Variants in ACER3 observed in about 807,000 individuals in gnomAD.
ACER3 encodes the protein alkCDase 3.
In ACER3, 16 loss-of-function variants were observed where a neutral mutation model predicts 48.9. That is an observed-to-expected ratio of 0.33 (90% CI 0.22 to 0.50). The LOEUF (loss-of-function observed/expected upper bound fraction) is 0.50, where lower values mean the gene tolerates loss of function less well. ACER3 is among the 20% of genes least tolerant of loss of function. The pLI, the probability that ACER3 is intolerant of heterozygous loss-of-function variation, is 0.98. For missense variants in ACER3, 227 were observed against 326.0 expected, an observed-to-expected ratio of 0.70 and a Z score of 2.34; for synonymous variants, 109 against 107.8, an observed-to-expected ratio of 1.01 and a Z score of -0.07.
At chr11:76,897,321 A>G (rs973623436) in intron 1 of ACER3, among the ~76,000 whole-genome samples, 8 of 152,212 alleles carry the variant, frequency 5.3e-5, no homozygotes, top group Non-Finnish European at 1.2e-4. Flanking sequence ...ACGTATACCA[A>G]AACTTGACAA....
At position 76,935,467 on chromosome 11, in the gene ACER3, G is replaced by T. The variant is rs904856586; in HGVS notation, c.214+8800G>T. On this transcript the variant is annotated intron_variant, in intron 2 of 10. Coordinates refer to ENST00000532485, the MANE Select transcript of ACER3 (RefSeq NM_018367.7). The stretch of plus-strand genomic sequence containing the variant: ...AGTAAAACTATTGGATTGTAAAAAT[G>T]AAATTATTGTCAAAGCTCTTGGAAA... Among the ~76,000 whole-genome samples, 5 of 152,154 alleles carry T rather than the reference G, an allele frequency of 3.3e-5. No homozygotes were observed. In the South Asian group the frequency reaches 1.0e-3, roughly 32 times the overall value.
At chr11:76,902,637 A>T (rs976488988) in intron 1 of ACER3, among the ~76,000 whole-genome samples, 1 of 152,188 alleles carries the variant, frequency 6.6e-6, no homozygotes, top group African/African-American at 2.4e-5. Flanking sequence ...ATCACTAGTG[A>T]CACTTCATAT....
In ACER3 at chr11:76,965,989, C is replaced by T. The variant is rs937929397; in HGVS notation, c.267+6958C>T. ...ACCTTAAATGTAAATGGGCTAAATG[C>T]TCCAATTAAAAGACACAGGCTGGCA... On this transcript the variant is annotated intron_variant, in intron 3 of 10. Coordinates refer to ENST00000532485, the MANE Select transcript of ACER3 (RefSeq NM_018367.7). Among the ~76,000 whole-genome samples the T allele has an allele frequency of 3.5e-3, 530 of 151,334 alleles. 5 individuals are homozygous for T. The highest frequency in any genetic ancestry group is 6.0e-3 in the Non-Finnish European group (410 of 68,030).
At chr11:76,901,270 TAA>T (rs35531620) in intron 1 of ACER3, among the ~76,000 whole-genome samples, 11 of 146,146 alleles carry the variant, frequency 7.5e-5, no homozygotes, top group African/African-American at 2.8e-4. Flanking sequence ...GTCCAACATT[TAA>T]AAAAAAAAAA....
At chr11:77,009,352 C>T (rs1565226321) in intron 7 of ACER3, among the ~76,000 whole-genome samples, 1 of 152,178 alleles carries the variant, frequency 6.6e-6, no homozygotes, top group Non-Finnish European at 1.5e-5. Flanking sequence ...AACTCACTCA[C>T]TACCGCAAGG....
In ACER3 at chr11:77,020,341, CA is replaced by C. The variant is rs1376229709; in HGVS notation, c.*16del. ...AGGAAGCATTGATGAATCATTCCAC[CA>C]AGAAAACAAACAAGCACCTACCATA... On this transcript the variant is annotated 3_prime_UTR_variant, in exon 11 of 11. Transcript: ENST00000532485. The C allele has an allele frequency of 8.7e-6, 14 of 1,612,390 alleles. No individual in the cohort carries two copies. In the African/African-American group the frequency reaches 1.9e-4, roughly 22 times the overall value.
At chr11:76,897,624 T>C (rs902986552) in intron 1 of ACER3, among the ~76,000 whole-genome samples, 2 of 152,244 alleles carry the variant, frequency 1.3e-5, no homozygotes, top group African/African-American at 4.8e-5. Flanking sequence ...GTCAAGCTTA[T>C]TGTGGTAGAT....
rs1946324973 is a variant in ACER3, at chr11:76,909,865, C to T, written c.104-16692C>T. On this transcript the variant is annotated intron_variant, in intron 1 of 10. Transcript: ENST00000532485. ...ATTCACAATAGCAAAGACTTGGAACCAACCCAGATGCCCATCAATGATAGA... is the reference window on the plus strand; with the variant it reads ...ATTCACAATAGCAAAGACTTGGAACTAACCCAGATGCCCATCAATGATAGA... Among the ~76,000 whole-genome samples the T allele has an allele frequency of 2.0e-5, 3 of 152,140 alleles. No individual in the cohort carries two copies. In the South Asian group the frequency reaches 6.2e-4, roughly 32 times the overall value.
intron 3 of ACER3, among the ~76,000 whole-genome samples, chr11:76,969,339 T>C (rs908377235): frequency 0.026 from 3,975 of 152,256 alleles, 162 homozygotes; most frequent in African/African-American, 0.091. Context: ...ACTTTTACAC[T>C]GTTGGTGGGA....
intron 1 of ACER3, among the ~76,000 whole-genome samples, chr11:76,918,587 A>G (rs1170007164): frequency 6.6e-6 from 1 of 151,956 alleles, no homozygotes; most frequent in African/African-American, 2.4e-5. Context: ...GTACATGTGC[A>G]AGTTCACTAT....
At chr11:76,873,442 C>G (rs532430124) in intron 1 of ACER3, among the ~76,000 whole-genome samples, 1 of 152,170 alleles carries the variant, frequency 6.6e-6, no homozygotes, top group Non-Finnish European at 1.5e-5. Context: ...GTTGATTACC[C>G]TGCACAGTAA....
intron 1 of ACER3, chr11:76,868,375 A>G: frequency 2.1e-6 from 1 of 474,928 alleles, no homozygotes; most frequent in South Asian, 2.3e-5. Flanking sequence ...TAGTTTTAAT[A>G]TCTCTCTCTC....
At chr11:77,008,666 T>G (rs1479284847) in intron 7 of ACER3, among the ~76,000 whole-genome samples, 1 of 152,250 alleles carries the variant, frequency 6.6e-6, no homozygotes, top group East Asian at 1.9e-4. Flanking sequence ...TTTTGTCTGA[T>G]GAAACATCTG....
intron 7 of ACER3, among the ~76,000 whole-genome samples, chr11:77,000,854 C>T (rs59877692): frequency 6.6e-6 from 1 of 152,264 alleles, no homozygotes; most frequent in East Asian, 1.9e-4. Context: ...ATTCCTCCCA[C>T]TTCATTCTTT....
At chr11:76,897,677 T>C (rs532922215) in intron 1 of ACER3, among the ~76,000 whole-genome samples, 2 of 152,210 alleles carry the variant, frequency 1.3e-5, no homozygotes, top group South Asian at 4.1e-4. Flanking sequence ...ATTTTATTGC[T>C]GGCAAAAAAG....
At chr11:76,973,070 T>C (rs1312678506) in intron 3 of ACER3, among the ~76,000 whole-genome samples, 2 of 152,184 alleles carry the variant, frequency 1.3e-5, no homozygotes, top group African/African-American at 4.8e-5. Flanking sequence ...TAGGCACTGT[T>C]CTTGGAGCCC....
rs374692996 is a variant in ACER3 at position 76,958,311 on chromosome 11, C to T, written c.215-668C>T. Among the ~76,000 whole-genome samples, 148 of 151,576 alleles carry T rather than the reference C, an allele frequency of 9.8e-4. 1 individual carries two copies. The East Asian group carries it at 0.024, about 24-fold the overall frequency. On this transcript the variant is annotated intron_variant, in intron 2 of 10. Coordinates refer to ENST00000532485, the MANE Select transcript of ACER3 (RefSeq NM_018367.7). ...AAACGATTCTCTTGCCTCAGCCTCC[C>T]GAGTAGCTGGTATTACGGGGGCCTG...
chr11:76,930,413 C>T (rs1346668585), intron 2 of ACER3, among the ~76,000 whole-genome samples: 1 of 152,128 alleles, frequency 6.6e-6, no homozygotes, highest in Non-Finnish European at 1.5e-5. Flanking sequence ...TTTCAAAAAA[C>T]CAGCTCCTGG....
At position 77,026,485 on chromosome 11, in the gene ACER3, T is replaced by C. The variant is rs575443434; in HGVS notation, c.*6158T>C. ...GTAATATTTCTGAGTCACTTATTAA[T>C]GTGACCAACAGATAAACTGTTCAAG... On this transcript the variant is annotated 3_prime_UTR_variant, in exon 11 of 11. Transcript: ENST00000532485. The C allele has an allele frequency of 3.3e-5, 5 of 152,356 alleles. No homozygotes were observed. The East Asian group carries it at 9.6e-4, about 29-fold the overall frequency. 9.4% of individuals were successfully genotyped at this position (152,356 alleles called of 1,614,324 possible).
Sources: allele counts gnomAD v4.1 joint callset (sites outside exome capture counted in the v4.1 genomes callset), GRCh38; gene constraint gnomAD v4.1.1; transcripts MANE v1.5; gene names NCBI Gene and HGNC (gene_info 2026-07-23, HGNC 2026-07-21).